Variants in SH3GL2 observed in about 807,000 individuals in gnomAD.
SH3GL2 encodes the protein endophilin-A1.
Under a neutral mutation model 46.0 loss-of-function variants are expected in SH3GL2, and 24 were observed. That is an observed-to-expected ratio of 0.52 (90% confidence interval 0.38 to 0.73). The LOEUF is 0.73. SH3GL2 is among the 30% of genes least tolerant of loss of function. The probability of loss-of-function intolerance (pLI) is 0.00; values close to 1 mark genes in which losing one functional copy is unlikely to be tolerated. For missense variants in SH3GL2, 413 were observed against 424.2 expected (o/e 0.97, Z 0.23); for synonymous variants, 196 against 147.1 (o/e 1.33, Z -2.40).
intron 3 of SH3GL2, among the ~76,000 whole-genome samples, chr9:17,777,250 G>A (rs1823666158): frequency 6.6e-6 from 1 of 152,054 alleles, no homozygotes; most frequent in Non-Finnish European, 1.5e-5. Context: ...AACTTTTTAA[G>A]ATGACTTTAT....
At chr9:17,580,191 A>G (rs998772376) in intron 1 of SH3GL2, among the ~76,000 whole-genome samples, 2 of 152,162 alleles carry the variant, frequency 1.3e-5, no homozygotes, top group African/African-American at 2.4e-5. Flanking sequence ...CTACTTTTTT[A>G]TCCTTCTGAA....
chr9:17,612,195 C>A (rs554749655), intron 1 of SH3GL2, among the ~76,000 whole-genome samples: 1 of 152,172 alleles, frequency 6.6e-6, no homozygotes, highest in Non-Finnish European at 1.5e-5. Flanking sequence ...ACAGAAGGAA[C>A]AGGAACAGGA....
chr9:17,608,507 A>G (rs1310523576), intron 1 of SH3GL2, among the ~76,000 whole-genome samples: 1 of 152,178 alleles, frequency 6.6e-6, no homozygotes, highest in Non-Finnish European at 1.5e-5. Flanking sequence ...CCTCATCCAC[A>G]TAGGTTGGAA....
At chr9:17,755,550 T>A (rs12377594) in intron 2 of SH3GL2, among the ~76,000 whole-genome samples, 73,276 of 151,992 alleles carry the variant, frequency 0.48, 18,150 homozygotes, top group East Asian at 0.88. Flanking sequence ...AATCCTCCTA[T>A]CTTGGCCTCC....
At chr9:17,714,892 T>TA (rs1217978057) in intron 1 of SH3GL2, among the ~76,000 whole-genome samples, 1 of 151,840 alleles carries the variant, frequency 6.6e-6, no homozygotes, top group Non-Finnish European at 1.5e-5. Context: ...CTTTCTTTAA[T>TA]ATTTCTTTCT....
At position 17,677,978 on chromosome 9, in the gene SH3GL2, A is replaced by C. The variant is rs113415825; in HGVS notation, c.46-69088A>C. 1.7e-3 allele frequency among the ~76,000 whole-genome samples: 265 copies of C among 152,288 alleles called. 3 individuals are homozygous for C. Among genetic ancestry groups the C allele is most frequent in the African/African-American group, 5.4e-3 (223 of 41,566 alleles). On this transcript the variant is annotated intron_variant, in intron 1 of 8. Transcript: ENST00000380607. ...TGAACTCATCATTTTTTATGGCTGC[A>C]TAGTATTCCATGGTGTGTACGTGCC...
chr9:17,699,716 G>T (rs910265163), intron 1 of SH3GL2, among the ~76,000 whole-genome samples: 4 of 152,198 alleles, frequency 2.6e-5, no homozygotes, highest in South Asian at 4.1e-4. Context: ...TTGAACAAGG[G>T]CAGCTCTATT....
chr9:17,735,895 C>A, intron 1 of SH3GL2: 1 of 212,288 alleles, frequency 4.7e-6, no homozygotes, highest in Non-Finnish European at 8.1e-6. Flanking sequence ...TACTTATACC[C>A]TGTGGGGGCA....
At chr9:17,615,983 AC>A (rs1174973646) in intron 1 of SH3GL2, among the ~76,000 whole-genome samples, 2 of 152,100 alleles carry the variant, frequency 1.3e-5, no homozygotes, top group Non-Finnish European at 2.9e-5. Flanking sequence ...CAATGGCAGG[AC>A]CCCAGAGAGA....
At chr9:17,791,053 C>T (rs563666897) in intron 6 of SH3GL2, among the ~76,000 whole-genome samples, 178 bp from the exon 7 acceptor site, 1 of 152,260 alleles carries the variant, frequency 6.6e-6, no homozygotes, top group African/African-American at 2.4e-5. Context: ...TTCTTTTATC[C>T]TTGATGGATT....
chr9:17,677,128 C>G (rs1820632772), intron 1 of SH3GL2, among the ~76,000 whole-genome samples: 1 of 152,132 alleles, frequency 6.6e-6, no homozygotes, highest in Admixed American at 6.5e-5. Flanking sequence ...CCTGAGAGAA[C>G]CCACGTTCAT....
At chr9:17,756,447 G>T (rs931451367) in intron 2 of SH3GL2, among the ~76,000 whole-genome samples, 3 of 150,732 alleles carry the variant, frequency 2.0e-5, no homozygotes, top group African/African-American at 4.9e-5. Flanking sequence ...TTTACATTAG[G>T]TATATCTCCT....
intron 1 of SH3GL2, among the ~76,000 whole-genome samples, chr9:17,713,448 TG>T (rs1242573333): frequency 2.0e-5 from 3 of 151,334 alleles, no homozygotes. Flanking sequence ...CTGCTTGCTT[TG>T]GTTTAATTTG....
chr9:17,657,348 GGA>G lies in SH3GL2; in HGVS notation c.45+78072_45+78073del, dbSNP rs200094095. Among the ~76,000 whole-genome samples, 187 of 152,188 alleles carry G rather than the reference GGA, an allele frequency of 1.2e-3. 6 individuals are homozygous for G. In the East Asian group the frequency reaches 0.027, roughly 22 times the overall value. On this transcript the variant is annotated intron_variant, in intron 1 of 8. Transcript: ENST00000380607. ...CTGTTGTAAAATCTGGAGCATGATA[GGA>G]GAGAGAGAGATTTGTGGGCAGGTTG...
chr9:17,776,666 A>ACC (rs908260043), intron 3 of SH3GL2, among the ~76,000 whole-genome samples: 5 of 52,764 alleles, frequency 9.5e-5, no homozygotes, highest in African/African-American at 3.4e-4. Flanking sequence ...AAAATGTCCC[A>ACC]TCTTTTTTTT....
At chr9:17,700,163 G>A (rs1252485983) in intron 1 of SH3GL2, among the ~76,000 whole-genome samples, 1 of 152,146 alleles carries the variant, frequency 6.6e-6, no homozygotes, top group Non-Finnish European at 1.5e-5. Context: ...GGATCCATCT[G>A]CTAGGGATTT....
rs527377200 is a variant in SH3GL2 at position 17,693,533 on chromosome 9, C to G, written c.46-53533C>G. 3.3e-5 allele frequency among the ~76,000 whole-genome samples: 5 copies of G among 152,092 alleles called. No homozygotes were observed. The East Asian group carries it at 9.7e-4, about 29-fold the overall frequency. ...TTGTTTTATTTTGTTTGCAGAAATG[C>G]GAATGGTGTAAAGCTTCTTCAAATA... On this transcript the variant is annotated intron_variant, in intron 1 of 8. Transcript: ENST00000380607.
intron 1 of SH3GL2, among the ~76,000 whole-genome samples, chr9:17,645,254 G>C (rs565637597): frequency 7.0e-6 from 1 of 142,018 alleles, no homozygotes; most frequent in South Asian, 2.3e-4. Flanking sequence ...CACATGAGAT[G>C]GGTCTCCTGA....
At position 17,786,430 on chromosome 9, in the gene SH3GL2, C is replaced by T. The variant is rs139376322; in HGVS notation, c.237C>T (p.Gly79=). Residue 79 remains glycine (G), a synonymous_variant, in exon 4 of 9, where the codon GGC becomes GGT. Coordinates refer to ENST00000380607, the MANE Select transcript of SH3GL2 (RefSeq NM_003026.5). ...TCAACACCATGTCAAAAATCCGTGG[C>T]CAGGAGAAGGGGCCAGGCTATCCTC... The part of the protein sequence containing the change: ...SMINTMSKIR[G]QEKGPGYPQA... The T allele has an allele frequency of 2.4e-3, 3,837 of 1,613,322 alleles. 25 individuals are homozygous for T. Among genetic ancestry groups the T allele is most frequent in the Non-Finnish European group, 2.3e-3 (2,693 of 1,179,556 alleles).
Sources: allele counts gnomAD v4.1 joint callset (sites outside exome capture counted in the v4.1 genomes callset), GRCh38; gene constraint gnomAD v4.1.1; transcripts MANE v1.5; gene names NCBI Gene and HGNC (gene_info 2026-07-23, HGNC 2026-07-21).